Variants in TTLL5 observed in about 807,000 individuals in gnomAD.
TTLL5 encodes tubulin polyglutamylase TTLL5.
A neutral mutation model predicts 168.4 loss-of-function variants in TTLL5; 132 were observed. The observed-to-expected ratio is 0.78, with a 90% CI of 0.68 to 0.91. The LOEUF is 0.91. Ranked by LOEUF, TTLL5 falls within the 40% of genes least tolerant of loss-of-function variation. The pLI is 0.00. For synonymous variants in TTLL5, 546 were observed against 558.6 expected (o/e 0.98, Z 0.32); for missense variants, 1,545 against 1,581.5 (o/e 0.98, Z 0.39).
At chr14:75,715,609 A>G (rs1222020259) in intron 9 of TTLL5, among the ~76,000 whole-genome samples, 1 of 152,094 alleles carries the variant, frequency 6.6e-6, no homozygotes. Flanking sequence ...CACTAGACTG[A>G]GGGAGATATG....
chr14:75,888,357 C>A (rs1186719826), intron 30 of TTLL5, among the ~76,000 whole-genome samples: 1 of 152,208 alleles, frequency 6.6e-6, no homozygotes, highest in Non-Finnish European at 1.5e-5. Context: ...AATCCGACTT[C>A]TCATGCCTGC....
intron 28 of TTLL5, chr14:75,835,586 A>G (rs1163621700): frequency 6.6e-6 from 1 of 152,070 alleles, no homozygotes; most frequent in Non-Finnish European, 1.5e-5. Context: ...GAGAACCATT[A>G]TGTTGTATTA....
chr14:75,719,949 T>G (rs1887737119), intron 11 of TTLL5, 123 bp downstream of exon 11: 1 of 1,058,928 alleles, frequency 9.4e-7, no homozygotes, highest in Non-Finnish European at 1.4e-6. Context: ...TTGTCCTTGG[T>G]GTTACTTTTT....
Position 75,940,077 on chromosome 14 carries a change from C to CTTTTTTT in TTLL5, c.3824-14331_3824-14325dup, listed in dbSNP as rs5809741. On this transcript the variant is annotated intron_variant, in intron 31 of 31. Transcript: ENST00000298832. Reference sequence around the variant, plus strand: ...AGAGCTCCCTATAAAGAAATTAAATCTTTTTTTTTTTTTTTTTTTTTTGAG... The same window carrying CTTTTTTT: ...AGAGCTCCCTATAAAGAAATTAAATCTTTTTTTTTTTTTTTTTTTTTTTTTTTTTGAG... Among the ~76,000 whole-genome samples the CTTTTTTT allele has an allele frequency of 6.3e-4, 50 of 78,816 alleles. 3 individuals carry two copies. Among genetic ancestry groups the CTTTTTTT allele is most frequent in the African/African-American group, 2.3e-3 (44 of 19,542 alleles). The allele number at this position is 78,816 out of a possible 152,430, so 51.7% of individuals were successfully genotyped here.
intron 30 of TTLL5, among the ~76,000 whole-genome samples, chr14:75,888,166 A>C (rs2032211377): frequency 6.6e-6 from 1 of 152,198 alleles, no homozygotes; most frequent in South Asian, 2.1e-4. Flanking sequence ...TGGTGGCATT[A>C]GGAGGTCTCT....
intron 31 of TTLL5, among the ~76,000 whole-genome samples, chr14:75,937,410 C>T (rs1490013985): frequency 6.6e-6 from 1 of 151,994 alleles, no homozygotes; most frequent in East Asian, 1.9e-4. Flanking sequence ...CAGGCATGAG[C>T]CACCATGCCT....
rs763512511 is a variant in TTLL5 at position 75,820,060 on chromosome 14, TC to T, written c.3230del (p.Pro1077GlnfsTer46). 30 of 1,607,028 alleles carry T rather than the reference TC, an allele frequency of 1.9e-5. No homozygotes were observed. Among genetic ancestry groups the T allele is most frequent in the Non-Finnish European group, 2.4e-5 (28 of 1,177,094 alleles). ...TCATAAACAGAAGCAGTGCTTCAGC[TC>T]CCCCAACCCTCCGACCCATCATCAG... The part of the protein sequence containing the change: ...GIINRSSASA[P>X]PTLRPIISPS... On this transcript the variant is annotated frameshift_variant, in exon 28 of 32. Transcript: ENST00000298832. LOFTEE classifies it high-confidence loss of function.
chr14:75,757,584 A>T (rs962252851), intron 18 of TTLL5, among the ~76,000 whole-genome samples: 1 of 152,214 alleles, frequency 6.6e-6, no homozygotes, highest in African/African-American at 2.4e-5. Context: ...ACAAATAATT[A>T]TTATAATTTT....
intron 26 of TTLL5, among the ~76,000 whole-genome samples, chr14:75,791,105 CAAA>C (rs372035829): frequency 9.1e-5 from 7 of 77,270 alleles, no homozygotes; most frequent in African/African-American, 3.0e-4. Flanking sequence ...GACTCTGTCT[CAAA>C]AAAAAAAAAA....
chr14:75,820,365 A>G (rs183111311), intron 28 of TTLL5, among the ~76,000 whole-genome samples: 5 of 152,200 alleles, frequency 3.3e-5, no homozygotes, highest in Non-Finnish European at 5.9e-5. Flanking sequence ...TGAAAAGGAC[A>G]TTTCTGAGAT....
At chr14:75,680,219 T>G (rs1381674632) in intron 3 of TTLL5, among the ~76,000 whole-genome samples, 1 of 152,186 alleles carries the variant, frequency 6.6e-6, no homozygotes, top group African/African-American at 2.4e-5. Flanking sequence ...GTTTCAGACT[T>G]TCCGCTCCCA....
intron 27 of TTLL5, among the ~76,000 whole-genome samples, chr14:75,816,875 C>T (rs1366489197): frequency 6.6e-6 from 1 of 151,290 alleles, no homozygotes; most frequent in Non-Finnish European, 1.5e-5. Context: ...GCCTGACCTA[C>T]ATTGCCCCTA....
chr14:75,852,571 T>G (rs1045156652), intron 28 of TTLL5, among the ~76,000 whole-genome samples: 1 of 152,068 alleles, frequency 6.6e-6, no homozygotes, highest in Non-Finnish European at 1.5e-5. Flanking sequence ...ACTCTTCCCA[T>G]AGAAGAACCA....
At chr14:75,731,452 A>G (rs1241793819) in intron 12 of TTLL5, among the ~76,000 whole-genome samples, 1 of 151,294 alleles carries the variant, frequency 6.6e-6, no homozygotes, top group East Asian at 1.9e-4. Context: ...ATTTTTGTAG[A>G]GGAAGTCTCA....
chr14:75,857,437 G>A (rs1458558482), intron 28 of TTLL5, among the ~76,000 whole-genome samples: 3 of 140,718 alleles, frequency 2.1e-5, no homozygotes, highest in Non-Finnish European at 4.7e-5. Context: ...CTAATATTGT[G>A]TTAAAGTTTT....
At position 75,720,576 on chromosome 14, in the gene TTLL5, T is replaced by A. The variant is rs1375297787; in HGVS notation, c.935-20T>A. 3.8e-6 allele frequency: 6 copies of A among 1,582,804 alleles called. No individual in the cohort carries two copies. In the African/African-American group the frequency reaches 8.1e-5, roughly 21 times the overall value. On this transcript the variant is annotated intron_variant, in intron 11 of 31. Transcript: ENST00000298832. ...TGTATTTTGATATTGAGTCTGAAATTTAAAAATTTTTGTTTGCAGCATTGA... is the reference window on the plus strand; with the variant it reads ...TGTATTTTGATATTGAGTCTGAAATATAAAAATTTTTGTTTGCAGCATTGA...
At chr14:75,827,985 G>A (rs1027149489) in intron 28 of TTLL5, among the ~76,000 whole-genome samples, 1 of 151,972 alleles carries the variant, frequency 6.6e-6, no homozygotes, top group Non-Finnish European at 1.5e-5. Context: ...CCAAAGTGCT[G>A]GGATTACAGG....
intron 28 of TTLL5, among the ~76,000 whole-genome samples, chr14:75,831,314 A>G (rs1045401133): frequency 6.6e-6 from 1 of 152,184 alleles, no homozygotes; most frequent in Non-Finnish European, 1.5e-5. Flanking sequence ...TGGTCCTGGA[A>G]GGGGAATATT....
Position 75,848,276 on chromosome 14 carries a change from G to A in TTLL5, c.3327-15391G>A, listed in dbSNP as rs112171215. 1.1e-3 allele frequency among the ~76,000 whole-genome samples: 163 copies of A among 152,092 alleles called. 2 individuals carry two copies. The highest frequency in any genetic ancestry group is 3.8e-3 in the African/African-American group (156 of 41,350). Reference sequence around the variant, plus strand: ...CTAAATTTGTGACACTTTGCAAGCTGTTTATGTGCACTAGGTTTGAACCCA... The same window carrying A: ...CTAAATTTGTGACACTTTGCAAGCTATTTATGTGCACTAGGTTTGAACCCA... On this transcript the variant is annotated intron_variant, in intron 28 of 31. Coordinates refer to ENST00000298832, the MANE Select transcript of TTLL5 (RefSeq NM_015072.5).
Sources: allele counts gnomAD v4.1 joint callset (sites outside exome capture counted in the v4.1 genomes callset), GRCh38; gene constraint gnomAD v4.1.1; transcripts MANE v1.5; gene names NCBI Gene and HGNC (gene_info 2026-07-23, HGNC 2026-07-21).